CSMD1: variants seen among roughly 807,000 people sequenced by gnomAD.
The protein encoded by CSMD1 is CUB and sushi domain-containing protein 1.
Under a neutral mutation model 417.5 loss-of-function variants are expected in CSMD1, and 213 were observed. That is an observed-to-expected ratio of 0.51 (90% CI 0.46 to 0.57). The LOEUF (loss-of-function observed/expected upper bound fraction) is 0.57. Among genes scored for constraint, CSMD1 ranks in the 20% least tolerant of loss-of-function variants. CSMD1 has a pLI of 0.00. For synonymous variants in CSMD1, 2,862 were observed against 1,736.8 expected (o/e 1.65, Z -16.11); for missense variants, 6,923 against 4,529.7 (o/e 1.53, Z -15.17).
intron 47 of CSMD1, among the ~76,000 whole-genome samples, chr8:3,093,059 T>G (rs1038583585): frequency 1.3e-5 from 2 of 152,198 alleles, no homozygotes; most frequent in African/African-American, 2.4e-5. Flanking sequence ...CAAGTAAGAC[T>G]GTTATAGACT....
intron 3 of CSMD1, among the ~76,000 whole-genome samples, chr8:4,033,795 C>G (rs955762222): frequency 6.6e-6 from 1 of 152,186 alleles, no homozygotes; most frequent in Admixed American, 6.5e-5. Flanking sequence ...ATATGATTCT[C>G]TATCTAAATC....
intron 3 of CSMD1, among the ~76,000 whole-genome samples, chr8:4,127,205 G>A (rs933348768): frequency 5.9e-5 from 9 of 151,754 alleles, no homozygotes; most frequent in Admixed American, 5.9e-4. Flanking sequence ...TGGCTGTCCG[G>A]CCCCCTCCAG....
chr8:4,486,357 T>C (rs1368241635), intron 2 of CSMD1, among the ~76,000 whole-genome samples: 2 of 150,234 alleles, frequency 1.3e-5, no homozygotes, highest in Non-Finnish European at 3.0e-5. Flanking sequence ...TCTACCAGGT[T>C]GCATCTTAAA....
chr8:3,870,329 T>C lies in CSMD1; in HGVS notation c.819-116287A>G, dbSNP rs530247908. On this transcript the variant is annotated intron_variant, in intron 5 of 69. Coordinates refer to ENST00000635120, the MANE Select transcript of CSMD1 (RefSeq NM_033225.6). ...CCTCAGATTTTATTTTTATTTTTACTATGATGATTTGTAGCACATATGTAA... is the reference window on the plus strand; with the variant it reads ...CCTCAGATTTTATTTTTATTTTTACCATGATGATTTGTAGCACATATGTAA... Among the ~76,000 whole-genome samples the C allele has an allele frequency of 1.1e-3, 163 of 152,346 alleles. 1 individual carries two copies. Among genetic ancestry groups the C allele is most frequent in the African/African-American group, 1.2e-3 (49 of 41,582 alleles).
chr8:4,151,507 G>C (rs551707317), intron 3 of CSMD1, among the ~76,000 whole-genome samples: 1 of 152,140 alleles, frequency 6.6e-6, no homozygotes, highest in Non-Finnish European at 1.5e-5. Context: ...GAACCAAATG[G>C]AAGATTTTGG....
chr8:3,520,897 C>T (rs762182929), intron 10 of CSMD1, among the ~76,000 whole-genome samples: 1 of 152,098 alleles, frequency 6.6e-6, no homozygotes, highest in African/African-American at 2.4e-5. Flanking sequence ...GCACTGGAAC[C>T]TCCTGGTCAC....
At chr8:3,840,315 G>C (rs191770399) in intron 5 of CSMD1, among the ~76,000 whole-genome samples, 5 of 152,260 alleles carry the variant, frequency 3.3e-5, no homozygotes, top group African/African-American at 7.2e-5. Context: ...GTGCCAACTA[G>C]CATCTCGCTG....
At chr8:3,715,184 TC>T (rs1181325199) in intron 6 of CSMD1, among the ~76,000 whole-genome samples, 3 of 152,194 alleles carry the variant, frequency 2.0e-5, no homozygotes, top group African/African-American at 7.2e-5. Flanking sequence ...AAATTATTCA[TC>T]AAAGTACCTG....
intron 28 of CSMD1, 94 bp from the exon 29 acceptor site, chr8:3,219,536 C>G: frequency 7.7e-6 from 7 of 914,826 alleles, no homozygotes; most frequent in Non-Finnish European, 1.1e-5. Context: ...ATTTTATTTG[C>G]TTTTGTATAA....
At position 4,442,276 on chromosome 8, in the gene CSMD1, G is replaced by A. The variant is rs186441674; in HGVS notation, c.303-22211C>T. On this transcript the variant is annotated intron_variant, in intron 2 of 69. Coordinates refer to ENST00000635120, the MANE Select transcript of CSMD1 (RefSeq NM_033225.6). ...TCTTTAAAATTTTGTTTTTATAACA[G>A]TAAAAAAATTATTAAAAGTTAGAAA... 2.7e-3 allele frequency among the ~76,000 whole-genome samples: 407 copies of A among 152,192 alleles called. 1 individual carries two copies. Among genetic ancestry groups the A allele is most frequent in the African/African-American group, 9.6e-3 (398 of 41,540 alleles).
chr8:3,255,043 G>T (rs193121181), intron 26 of CSMD1, among the ~76,000 whole-genome samples: 1 of 152,170 alleles, frequency 6.6e-6, no homozygotes, highest in Non-Finnish European at 1.5e-5. Flanking sequence ...GTACAGATGG[G>T]GTTTTGGTGT....
intron 2 of CSMD1, among the ~76,000 whole-genome samples, chr8:4,444,539 G>A (rs1798669461): frequency 6.6e-6 from 1 of 151,862 alleles, no homozygotes; most frequent in Non-Finnish European, 1.5e-5. Flanking sequence ...GAACAATAAT[G>A]TCCATCTTTT....
chr8:3,988,249 G>A (rs914747948), intron 5 of CSMD1, among the ~76,000 whole-genome samples: 3 of 152,088 alleles, frequency 2.0e-5, no homozygotes, highest in Non-Finnish European at 4.4e-5. Context: ...TCGGCTTTCT[G>A]GATCATCTCC....
chr8:3,749,058 A>G (rs1202865266), intron 6 of CSMD1, among the ~76,000 whole-genome samples: 2 of 152,226 alleles, frequency 1.3e-5, no homozygotes, highest in Admixed American at 6.5e-5. Flanking sequence ...CCCAACACTT[A>G]GATGACTATT....
chr8:4,278,360 A>T (rs1033102433), intron 3 of CSMD1, among the ~76,000 whole-genome samples: 13 of 152,216 alleles, frequency 8.5e-5, no homozygotes, highest in Admixed American at 5.2e-4. Flanking sequence ...ATTCATAAGG[A>T]AACTGAAACT....
intron 7 of CSMD1, among the ~76,000 whole-genome samples, chr8:3,623,341 AACTC>A (rs1327165240): frequency 6.6e-6 from 1 of 152,216 alleles, no homozygotes; most frequent in African/African-American, 2.4e-5. Context: ...TATCAATTAA[AACTC>A]AACATGAATT....
At chr8:3,457,209 T>G (rs987968975) in intron 12 of CSMD1, among the ~76,000 whole-genome samples, 3 of 151,638 alleles carry the variant, frequency 2.0e-5, no homozygotes, top group Non-Finnish European at 4.4e-5. Context: ...CTGGACCCCC[T>G]CATCCTGCCC....
At chr8:3,148,964 T>C (rs1266594041) in intron 40 of CSMD1, among the ~76,000 whole-genome samples, 2 of 152,258 alleles carry the variant, frequency 1.3e-5, no homozygotes, top group East Asian at 3.8e-4. Context: ...CATGCCTGTT[T>C]GATTTGAGAT....
At position 4,438,163 on chromosome 8, in the gene CSMD1, G is replaced by C. The variant is rs184138915; in HGVS notation, c.303-18098C>G. ...GAGTGTGCTTCCTGATTTAGATATT[G>C]CTGACTTCTTAAAAAACTCATAAAC... On this transcript the variant is annotated intron_variant, in intron 2 of 69. Coordinates refer to ENST00000635120, the MANE Select transcript of CSMD1 (RefSeq NM_033225.6). Among the ~76,000 whole-genome samples, 385 of 152,214 alleles carry C rather than the reference G, an allele frequency of 2.5e-3. 1 individual carries two copies. The highest frequency in any genetic ancestry group is 4.1e-3 in the Non-Finnish European group (281 of 68,022).
Sources: gnomAD v4.1 joint callset for allele counts (sites outside exome capture counted in the v4.1 genomes callset) on GRCh38, gnomAD v4.1.1 for gene constraint, MANE v1.5 for transcripts, NCBI Gene and HGNC (gene_info 2026-07-23, HGNC 2026-07-21) for gene names.